The following USP28 variants were observed in gnomAD, a reference collection of about 807,000 sequenced individuals.
USP28 encodes the protein ubiquitin specific peptidase 28.
In USP28, 113 loss-of-function variants were observed where a neutral mutation model predicts 145.0. That is an observed-to-expected ratio of 0.78 (90% CI 0.67 to 0.91). The LOEUF (loss-of-function observed/expected upper bound fraction) is 0.91, where lower values mean the gene tolerates loss of function less well. Among genes scored for constraint, USP28 ranks in the 40% least tolerant of loss-of-function variants. USP28 has a pLI of 0.00. For synonymous variants in USP28, 447 were observed against 450.9 expected, an observed-to-expected ratio of 0.99 and a Z score of 0.11; for missense variants, 1,201 against 1,289.6, an observed-to-expected ratio of 0.93 and a Z score of 1.05.
At chr11:113,865,583 C>T (rs979142882) in intron 1 of USP28, among the ~76,000 whole-genome samples, 2 of 152,162 alleles carry the variant, frequency 1.3e-5, no homozygotes, top group Non-Finnish European at 2.9e-5. Flanking sequence ...AGTGCCAACA[C>T]CATTTGATGG....
chr11:113,820,720 G>A (rs938978349), intron 12 of USP28: 1 of 152,430 alleles, frequency 6.6e-6, no homozygotes, highest in African/African-American at 2.4e-5. Context: ...ATTAAATCTA[G>A]AGTAGAACCT....
chr11:113,869,465 G>A (rs368514242), intron 1 of USP28, among the ~76,000 whole-genome samples: 58 of 152,118 alleles, frequency 3.8e-4, no homozygotes, highest in African/African-American at 1.4e-3. Context: ...AGGTGTGGTG[G>A]TGCATACCTG....
chr11:113,873,662 T>C (rs1055453294), intron 1 of USP28, among the ~76,000 whole-genome samples: 4 of 152,166 alleles, frequency 2.6e-5, no homozygotes, highest in African/African-American at 9.7e-5. Flanking sequence ...CAAACTAAAA[T>C]TTTCCCATGT....
chr11:113,811,088 A>G (rs949608897), intron 16 of USP28, among the ~76,000 whole-genome samples: 3 of 152,240 alleles, frequency 2.0e-5, no homozygotes, highest in African/African-American at 7.2e-5. Context: ...ATGTGAAAGA[A>G]AGAGAGAATA....
intron 14 of USP28, among the ~76,000 whole-genome samples, chr11:113,814,939 C>A (rs1941496039): frequency 6.6e-6 from 1 of 151,562 alleles, no homozygotes; most frequent in African/African-American, 2.4e-5. Flanking sequence ...ATAATCCCAG[C>A]TACTTGGGAG....
intron 1 of USP28, 98 bp from the exon 2 acceptor site, chr11:113,854,433 T>C: frequency 8.4e-7 from 1 of 1,188,528 alleles, no homozygotes. Context: ...TAAACAGGCC[T>C]GAGGCTTGCC....
intron 1 of USP28, among the ~76,000 whole-genome samples, chr11:113,873,681 C>T (rs1365728515): frequency 6.6e-6 from 1 of 152,168 alleles, no homozygotes; most frequent in Non-Finnish European, 1.5e-5. Context: ...GTTTTTAAAT[C>T]ACTGTGCTAA....
exon 7 of USP28, chr11:113,833,486 T>G (rs1156661234): frequency 6.2e-7 from 1 of 1,614,212 alleles, no homozygotes; most frequent in African/African-American, 1.3e-5. Context: ...GGTCTACAAA[T>G]TTTCTATTTG....
intron 17 of USP28, 69 bp downstream of exon 17, chr11:113,808,994 A>C: frequency 6.7e-7 from 1 of 1,490,604 alleles, no homozygotes; most frequent in Non-Finnish European, 9.2e-7. Flanking sequence ...GCTGAAGGGT[A>C]TAGGGCTGGC....
exon 17 of USP28, chr11:113,809,246 G>A: frequency 1.9e-6 from 3 of 1,613,246 alleles, no homozygotes; most frequent in Non-Finnish European, 1.7e-6. Flanking sequence ...GATTCAGTTG[G>A]GGCTGCCTCT....
intron 3 of USP28, among the ~76,000 whole-genome samples, chr11:113,845,267 C>T (rs1945694214): frequency 1.3e-5 from 2 of 151,664 alleles, no homozygotes; most frequent in Admixed American, 1.3e-4. Context: ...GGTGAAACAC[C>T]GTCTCTACTA....
At chr11:113,800,357 C>T (rs1938765738) in intron 24 of USP28, among the ~76,000 whole-genome samples, 1 of 151,982 alleles carries the variant, frequency 6.6e-6, no homozygotes, top group Non-Finnish European at 1.5e-5. Context: ...AGCTGGAGTG[C>T]AGTGGTATGA....
intron 1 of USP28, chr11:113,859,563 G>GA: frequency 6.6e-6 from 1 of 151,802 alleles, no homozygotes; most frequent in Non-Finnish European, 1.5e-5. Flanking sequence ...TTTAGCTAAA[G>GA]TTCTTAACAG....
At chr11:113,825,210 T>C (rs545206138) in intron 11 of USP28, among the ~76,000 whole-genome samples, 3 of 152,228 alleles carry the variant, frequency 2.0e-5, no homozygotes, top group East Asian at 1.9e-4. Flanking sequence ...ACTCCAGATA[T>C]AGACCCCCAT....
intron 11 of USP28, 73 bp downstream of exon 11, chr11:113,827,160 C>T (rs924354783): frequency 6.5e-7 from 1 of 1,528,428 alleles, no homozygotes; most frequent in Admixed American, 2.1e-5. Flanking sequence ...TTCCTACGCA[C>T]ACTATACTTA....
intron 5 of USP28, among the ~76,000 whole-genome samples, chr11:113,838,923 T>G (rs1789910006): frequency 6.6e-6 from 1 of 152,328 alleles, no homozygotes; most frequent in Middle Eastern, 3.4e-3. Context: ...GTAGGTGCCA[T>G]GTACCATGAT....
At chr11:113,801,226 T>C (rs1228886413) in intron 24 of USP28, among the ~76,000 whole-genome samples, 2 of 152,172 alleles carry the variant, frequency 1.3e-5, no homozygotes, top group Non-Finnish European at 2.9e-5. Context: ...TGGAGAGCAG[T>C]GACTTTTTTC....
chr11:113,801,924 T>C (rs998492202), intron 23 of USP28, among the ~76,000 whole-genome samples: 5 of 152,212 alleles, frequency 3.3e-5, no homozygotes, highest in African/African-American at 9.7e-5. Context: ...TTATGACCCA[T>C]TGGCCTAAAC....
At chr11:113,857,404 C>T (rs900700732) in intron 1 of USP28, among the ~76,000 whole-genome samples, 5 of 152,286 alleles carry the variant, frequency 3.3e-5, no homozygotes, top group East Asian at 3.9e-4. Context: ...ATTTATACCC[C>T]GCCATTCTGC....
Sources: gnomAD v4.1 joint callset for allele counts (sites outside exome capture counted in the v4.1 genomes callset) on GRCh38, gnomAD v4.1.1 for gene constraint, MANE v1.5 for transcripts, NCBI Gene and HGNC (gene_info 2026-07-23, HGNC 2026-07-21) for gene names.